SPATS2L: variants seen among roughly 807,000 people sequenced by gnomAD.
The protein encoded by SPATS2L is SPATS2-like protein.
Under a neutral mutation model 59.6 loss-of-function variants are expected in SPATS2L, and 30 were observed. The ratio of observed to expected loss-of-function variants is 0.50; its 90% CI spans 0.38 to 0.68. The LOEUF (loss-of-function observed/expected upper bound fraction) is 0.68, where lower values mean the gene tolerates loss of function less well. Ranked by LOEUF, SPATS2L falls within the 30% of genes least tolerant of loss-of-function variation. The pLI is 0.00. For missense variants in SPATS2L, 615 were observed against 700.0 expected (o/e 0.88, Z 1.37); for synonymous variants, 252 against 263.5 (o/e 0.96, Z 0.42).
rs114525228 is a variant in SPATS2L, at chr2:200,363,133, T to C, written c.-22-26090T>C. 3.4e-3 allele frequency among the ~76,000 whole-genome samples: 520 copies of C among 152,292 alleles called. 2 individuals carry two copies. Among genetic ancestry groups the C allele is most frequent in the Non-Finnish European group, 6.5e-3 (439 of 68,024 alleles). On this transcript the variant is annotated intron_variant, in intron 2 of 12. Transcript: ENST00000409140. ...CGTCTCTGAAAGGGGCAGTAATGTA[T>C]GTTTGATGCCTATAATGATAAAAAT...
intron 3 of SPATS2L, among the ~76,000 whole-genome samples, chr2:200,391,651 C>T (rs978085206): frequency 2.0e-5 from 3 of 152,126 alleles, no homozygotes; most frequent in African/African-American, 4.8e-5. Context: ...GCTCCATTAG[C>T]GACTGTGCTA....
chr2:200,434,146 T>TA (rs1175297405), intron 6 of SPATS2L, among the ~76,000 whole-genome samples: 1 of 151,784 alleles, frequency 6.6e-6, no homozygotes, highest in Non-Finnish European at 1.5e-5. Context: ...GTTTAACATT[T>TA]AAAAAAATCA....
At chr2:200,409,586 G>A (rs2082805427) in intron 3 of SPATS2L, among the ~76,000 whole-genome samples, 1 of 152,194 alleles carries the variant, frequency 6.6e-6, no homozygotes, top group South Asian at 2.1e-4. Flanking sequence ...AGTGATTAAA[G>A]CAGAAACAGA....
chr2:200,419,399 G>A lies in SPATS2L; in HGVS notation c.348G>A (p.Ser116=), dbSNP rs372973345. 24 of 1,613,440 alleles carry A rather than the reference G, an allele frequency of 1.5e-5. No homozygotes were observed. Among genetic ancestry groups the A allele is most frequent in the South Asian group, 8.8e-5 (8 of 90,984 alleles). ...GPMNGCEKDS[S]STDSANEKPA... ...TGAATGGCTGCGAGAAGGACAGCTC[G>A]TCCACAGATTCTGCTAACGAAAAAC... The change falls in exon 6 of 13, where the codon TCG becomes TCA. Residue 116 remains serine (S), a synonymous_variant. Transcript: ENST00000409140.
intron 2 of SPATS2L, among the ~76,000 whole-genome samples, chr2:200,377,097 G>A (rs2081625730): frequency 6.6e-6 from 1 of 152,146 alleles, no homozygotes; most frequent in Admixed American, 6.5e-5. Context: ...CTGTGTGCCA[G>A]GCACTGTTGT....
chr2:200,359,178 G>A (rs1204302812), intron 2 of SPATS2L, among the ~76,000 whole-genome samples: 1 of 152,168 alleles, frequency 6.6e-6, no homozygotes, highest in Non-Finnish European at 1.5e-5. Flanking sequence ...ATTTCTAGGA[G>A]TATTTGGTTT....
At chr2:200,374,009 C>G (rs921295155) in intron 2 of SPATS2L, among the ~76,000 whole-genome samples, 3 of 152,170 alleles carry the variant, frequency 2.0e-5, no homozygotes, top group Non-Finnish European at 2.9e-5. Flanking sequence ...TTACCTCTAG[C>G]TGCATTACGA....
chr2:200,443,855 G>T (rs1265485940), intron 8 of SPATS2L, among the ~76,000 whole-genome samples: 1 of 152,156 alleles, frequency 6.6e-6, no homozygotes, highest in Non-Finnish European at 1.5e-5. Context: ...TGAACGAAAT[G>T]ATCTCTCTTC....
At position 200,470,008 on chromosome 2, in the gene SPATS2L, G is replaced by A. The variant is rs1402027352; in HGVS notation, c.1052G>A (p.Cys351Tyr). The A allele has an allele frequency of 6.2e-7, 1 of 1,607,696 alleles. No homozygotes were observed. Among genetic ancestry groups the A allele is most frequent in the East Asian group, 2.2e-5 (1 of 44,740 alleles). The part of the protein sequence containing the change: ...IEQLKAQIML[C>Y]GEITHPKNNY... The stretch of plus-strand genomic sequence containing the variant: ...CAGCTGAAGGCCCAAATCATGCTCT[G>A]CGGAGAAAGTGAGTTTTGCATATTT... Residue 351 changes from cysteine to tyrosine, a missense_variant, in exon 11 of 13, where the codon TGC becomes TAC. Around this residue, in one of 3 missense-constraint regions of SPATS2L, gnomAD observed 284 missense variants for 280.1 expected, o/e 1.01. Coordinates refer to ENST00000409140, the MANE Select transcript of SPATS2L (RefSeq NM_001100423.2).
intron 2 of SPATS2L, among the ~76,000 whole-genome samples, chr2:200,349,736 A>T (rs901797029): frequency 2.2e-4 from 34 of 152,248 alleles, no homozygotes; most frequent in African/African-American, 7.7e-4. Context: ...TTATCCTCTA[A>T]CCTTCTCCTT....
At chr2:200,444,958 T>G (rs1449082050) in intron 8 of SPATS2L, among the ~76,000 whole-genome samples, 1 of 152,060 alleles carries the variant, frequency 6.6e-6, no homozygotes, top group Non-Finnish European at 1.5e-5. Context: ...CCATGTATCC[T>G]CCCTCTCAAA....
At chr2:200,311,334 G>A (rs2105745084) in intron 1 of SPATS2L, among the ~76,000 whole-genome samples, 1 of 152,270 alleles carries the variant, frequency 6.6e-6, no homozygotes, top group Non-Finnish European at 1.5e-5. Context: ...TCAACTGTGA[G>A]AATTCTGAGG....
intron 1 of SPATS2L, among the ~76,000 whole-genome samples, chr2:200,307,155 C>A (rs1192498010): frequency 6.6e-6 from 1 of 151,110 alleles, no homozygotes; most frequent in Admixed American, 6.6e-5. Flanking sequence ...CTCCAGCCGG[C>A]GCGGGCAAGC....
chr2:200,454,480 A>G (rs2085694748), intron 8 of SPATS2L, among the ~76,000 whole-genome samples: 1 of 152,182 alleles, frequency 6.6e-6, no homozygotes, highest in South Asian at 2.1e-4. Context: ...AGGCTTTCTG[A>G]TTCTTTTCAT....
At chr2:200,317,522 A>T (rs2079420061) in intron 1 of SPATS2L, among the ~76,000 whole-genome samples, 1 of 152,150 alleles carries the variant, frequency 6.6e-6, no homozygotes, top group Non-Finnish European at 1.5e-5. Flanking sequence ...CCTGAGACTG[A>T]TCAGGAAGAG....
intron 2 of SPATS2L, among the ~76,000 whole-genome samples, chr2:200,381,418 C>T (rs1014073350): frequency 6.6e-6 from 1 of 152,190 alleles, no homozygotes; most frequent in African/African-American, 2.4e-5. Flanking sequence ...CCTCGTGCCA[C>T]AGTGTGGCCT....
intron 2 of SPATS2L, among the ~76,000 whole-genome samples, chr2:200,354,518 G>T (rs990618100): frequency 1.3e-5 from 2 of 152,082 alleles, no homozygotes; most frequent in Admixed American, 6.6e-5. Context: ...TGAGGCAGGA[G>T]AATCGCTTGA....
intron 3 of SPATS2L, among the ~76,000 whole-genome samples, chr2:200,404,934 A>G (rs2082644793): frequency 6.6e-6 from 1 of 152,104 alleles, no homozygotes; most frequent in African/African-American, 2.4e-5. Context: ...CATCTCCATC[A>G]AATTATAAGG....
chr2:200,309,123 C>T (rs1201955185), intron 1 of SPATS2L: 1 of 717,610 alleles, frequency 1.4e-6, no homozygotes, highest in Admixed American at 2.0e-5. Context: ...AGAAGTTAAG[C>T]TTTAGAAATA....
Sources: gnomAD v4.1 joint callset for allele counts (sites outside exome capture counted in the v4.1 genomes callset) on GRCh38, gnomAD v4.1.1 for gene constraint, gnomAD v4.1.1 regional missense constraint, MANE v1.5 for transcripts, NCBI Gene and HGNC (gene_info 2026-07-23, HGNC 2026-07-21) for gene names.